TMC1: variants seen among roughly 807,000 people sequenced by gnomAD.
The protein encoded by TMC1 is transmembrane channel like 1.
TMC1 carries 84 observed loss-of-function variants against 105.8 expected under a neutral mutation model. That is an observed-to-expected ratio of 0.79 (90% CI 0.67 to 0.95). The LOEUF is 0.95. Ranked by LOEUF, TMC1 falls within the 40% of genes least tolerant of loss-of-function variation. The pLI is 0.00. For synonymous variants in TMC1, 315 were observed against 311.5 expected (o/e 1.01, Z -0.12); for missense variants, 817 against 914.1 (o/e 0.89, Z 1.37).
chr9:72,675,952 A>T (rs1826195633), intron 5 of TMC1, among the ~76,000 whole-genome samples: 1 of 152,106 alleles, frequency 6.6e-6, no homozygotes, highest in Non-Finnish European at 1.5e-5. Context: ...TGATTTTATA[A>T]TTTCTGTGGC....
intron 10 of TMC1, among the ~76,000 whole-genome samples, chr9:72,744,827 G>A (rs889776518): frequency 1.3e-5 from 2 of 152,180 alleles, no homozygotes; most frequent in East Asian, 3.8e-4. Flanking sequence ...TATAGCCAGT[G>A]AAACAAAAAC....
chr9:72,751,774 G>T, intron 10 of TMC1, 76 bp from the exon 11 acceptor site: 1 of 921,562 alleles, frequency 1.1e-6, no homozygotes, highest in Non-Finnish European at 1.8e-6. Flanking sequence ...CATTTTGAAG[G>T]CAACCAAGAC....
chr9:72,704,529 T>A (rs1015063576), intron 8 of TMC1, among the ~76,000 whole-genome samples: 1 of 152,166 alleles, frequency 6.6e-6, no homozygotes, highest in African/African-American at 2.4e-5. Flanking sequence ...AAGTGGTTGC[T>A]ACATAGGCAG....
intron 8 of TMC1, among the ~76,000 whole-genome samples, chr9:72,701,777 T>G (rs1826650341): frequency 6.6e-6 from 1 of 152,222 alleles, no homozygotes; most frequent in South Asian, 2.1e-4. Flanking sequence ...ATCTTCTCTG[T>G]GCGCTTGAAG....
At chr9:72,797,498 A>G (rs908916502) in intron 17 of TMC1, among the ~76,000 whole-genome samples, 1 of 152,240 alleles carries the variant, frequency 6.6e-6, no homozygotes, top group African/African-American at 2.4e-5. Context: ...TCAAAACAGC[A>G]TGGTACTGGT....
At chr9:72,620,364 C>T (rs924946122) in intron 3 of TMC1, among the ~76,000 whole-genome samples, 1 of 152,030 alleles carries the variant, frequency 6.6e-6, no homozygotes, top group Non-Finnish European at 1.5e-5. Flanking sequence ...ACCTCAGCCT[C>T]CTGAGTAGCC....
chr9:72,562,214 T>C (rs7860184), intron 1 of TMC1, among the ~76,000 whole-genome samples: 87,484 of 151,910 alleles, frequency 0.58, 26,954 homozygotes, highest in African/African-American at 0.81. Flanking sequence ...ATATATGCTC[T>C]AAGTCAAGGG....
intron 1 of TMC1, among the ~76,000 whole-genome samples, chr9:72,565,993 T>C (rs934769472): frequency 6.6e-6 from 1 of 152,128 alleles, no homozygotes; most frequent in African/African-American, 2.4e-5. Context: ...TGTGCACGTA[T>C]ATAAATTTTT....
chr9:72,544,714 A>G (rs1264272888), intron 1 of TMC1, among the ~76,000 whole-genome samples: 1 of 150,318 alleles, frequency 6.7e-6, no homozygotes, highest in East Asian at 2.0e-4. Context: ...TCCTGACCTC[A>G]GGTGATCCTC....
chr9:72,537,322 T>C (rs2132061585), intron 1 of TMC1, among the ~76,000 whole-genome samples: 1 of 152,318 alleles, frequency 6.6e-6, no homozygotes, highest in South Asian at 2.1e-4. Context: ...TCCCACTTAG[T>C]CATGCTAATA....
intron 5 of TMC1, among the ~76,000 whole-genome samples, chr9:72,675,709 T>C (rs531225426): frequency 1.3e-5 from 2 of 152,280 alleles, no homozygotes; most frequent in East Asian, 1.9e-4. Flanking sequence ...ATACTGAATA[T>C]GGTAGCAAGT....
intron 19 of TMC1, among the ~76,000 whole-genome samples, chr9:72,817,657 A>G (rs1347023044): frequency 6.6e-6 from 1 of 152,222 alleles, no homozygotes; most frequent in African/African-American, 2.4e-5. Flanking sequence ...GAGTTAAGAC[A>G]ACAGATTGGT....
rs534979439 is a variant in TMC1 at position 72,535,344 on chromosome 9, A to G, written c.-428+13431A>G. Among the ~76,000 whole-genome samples the G allele has an allele frequency of 2.0e-5, 3 of 152,320 alleles. No individual in the cohort carries two copies. In the South Asian group the frequency reaches 6.2e-4, roughly 32 times the overall value. On this transcript the variant is annotated intron_variant, in intron 1 of 23. Transcript: ENST00000297784. ...ATTTCTCCCGAAAACTTGTATTTCT[A>G]TCATTGTTTTAACTATCTTCTTGAA...
chr9:72,685,514 C>T (rs1411456962), intron 5 of TMC1, among the ~76,000 whole-genome samples: 1 of 151,968 alleles, frequency 6.6e-6, no homozygotes, highest in African/African-American at 2.4e-5. Context: ...CAGGCGCCTG[C>T]CACCAAGCCC....
intron 8 of TMC1, among the ~76,000 whole-genome samples, chr9:72,712,786 C>T (rs933387168): frequency 3.9e-5 from 6 of 152,122 alleles, no homozygotes; most frequent in African/African-American, 9.7e-5. Flanking sequence ...TTGCCCTGGC[C>T]AGAACTTCCA....
intron 4 of TMC1, among the ~76,000 whole-genome samples, chr9:72,640,878 G>A (rs986026434): frequency 2.6e-5 from 4 of 152,002 alleles, no homozygotes; most frequent in Admixed American, 1.3e-4. Context: ...TGATCCACCC[G>A]CCTCGGCCTC....
At chr9:72,779,670 C>T (rs927937744) in intron 13 of TMC1, among the ~76,000 whole-genome samples, 5 of 151,938 alleles carry the variant, frequency 3.3e-5, no homozygotes, top group Non-Finnish European at 7.4e-5. Context: ...TCTCAGAGCT[C>T]AAAAGTGGTT....
intron 2 of TMC1, among the ~76,000 whole-genome samples, chr9:72,597,513 C>G (rs1824739615): frequency 6.6e-6 from 1 of 152,174 alleles, no homozygotes; most frequent in Admixed American, 6.5e-5. Flanking sequence ...TTCCTAGCTA[C>G]CCGCATGTCA....
At chr9:72,809,945 T>TTGTGTG (rs1318977956) in intron 18 of TMC1, among the ~76,000 whole-genome samples, 2 of 149,816 alleles carry the variant, frequency 1.3e-5, no homozygotes, top group Non-Finnish European at 3.0e-5. Flanking sequence ...GTGTGTGTGT[T>TTGTGTG]TGTGTGTGTG....
Sources: allele counts gnomAD v4.1 joint callset (sites outside exome capture counted in the v4.1 genomes callset), GRCh38; gene constraint gnomAD v4.1.1; transcripts MANE v1.5; gene names NCBI Gene and HGNC (gene_info 2026-07-23, HGNC 2026-07-21).